DLC1: variants seen among roughly 807,000 people sequenced by gnomAD.
DLC1 encodes the protein DLC1 Rho GTPase activating protein, also known as rho GTPase-activating protein 7.
DLC1 carries 54 observed loss-of-function variants against 140.3 expected under a neutral mutation model. The observed-to-expected ratio is 0.38, with a 90% CI of 0.31 to 0.48. The LOEUF (loss-of-function observed/expected upper bound fraction) is 0.48, where lower values mean the gene tolerates loss of function less well. Ranked by LOEUF, DLC1 falls within the 20% of genes least tolerant of loss-of-function variation. The probability of loss-of-function intolerance (pLI) is 0.96; values close to 1 mark genes in which losing one functional copy is unlikely to be tolerated. For missense variants in DLC1, 2,536 were observed against 1,907.0 expected (o/e 1.33, Z -6.14); for synonymous variants, 986 against 728.1 (o/e 1.35, Z -5.70).
Position 13,099,784 on chromosome 8 carries a change from G to A in DLC1, c.2553C>T (p.Leu851=). 2 of 1,614,148 alleles carry A rather than the reference G, an allele frequency of 1.2e-6. No individual in the cohort carries two copies. Among genetic ancestry groups the A allele is most frequent in the Non-Finnish European group, 8.5e-7 (1 of 1,180,040 alleles). Residue 851 remains leucine, a synonymous_variant, in exon 9 of 18, where the codon CTC becomes CTT. Transcript: ENST00000276297. The stretch of plus-strand genomic sequence containing the variant: ...GGCTGTCGCTACTGTTTTCCCTCCT[G>A]AGGCTGATGTGGCCAGGGCCGTGGA... ...GSFHGPGHIS[L]RRENSSDSPK... is the part of the protein sequence containing the mutation.
intron 5 of DLC1, among the ~76,000 whole-genome samples, chr8:13,181,192 C>T (rs1023788667): frequency 6.6e-6 from 1 of 152,202 alleles, no homozygotes; most frequent in African/African-American, 2.4e-5. Flanking sequence ...TTTGCTCTCA[C>T]TCCAAAACCT....
At chr8:13,424,258 G>A (rs1838452417) in intron 2 of DLC1, among the ~76,000 whole-genome samples, 1 of 152,062 alleles carries the variant, frequency 6.6e-6, no homozygotes, top group Admixed American at 6.5e-5. Context: ...CAGCACTTTG[G>A]GAGGCCAATC....
At chr8:13,307,515 T>A (rs1832496014) in intron 4 of DLC1, among the ~76,000 whole-genome samples, 1 of 152,250 alleles carries the variant, frequency 6.6e-6, no homozygotes, top group Non-Finnish European at 1.5e-5. Context: ...AACTATGTAT[T>A]AAATGTTAAG....
Position 13,568,187 on chromosome 8 carries a change from C to G in DLC1, c.-126+36350G>C, listed in dbSNP as rs1338594924. 11 of 447,136 alleles carry G rather than the reference C, an allele frequency of 2.5e-5. 1 individual carries two copies. Among genetic ancestry groups the G allele is most frequent in the Admixed American group, 4.0e-5 (1 of 24,772 alleles). The allele number at this position is 447,136 out of a possible 1,614,324, so 27.7% of individuals were successfully genotyped here. The stretch of plus-strand genomic sequence containing the variant: ...GGCCAGGATGTTGATGGTACAGAAG[C>G]AAAGTAGTATGGGGATGTAAGAGAA... On this transcript the variant is annotated intron_variant, in intron 1 of 1. Transcript: ENST00000631382.
At chr8:13,208,330 G>A (rs1458555319) in intron 5 of DLC1, among the ~76,000 whole-genome samples, 1 of 152,152 alleles carries the variant, frequency 6.6e-6, no homozygotes, top group Non-Finnish European at 1.5e-5. Context: ...TTTCTAGGCA[G>A]AGAAGGACTA....
intron 5 of DLC1, among the ~76,000 whole-genome samples, chr8:13,213,253 A>G (rs924341506): frequency 5.9e-5 from 9 of 152,336 alleles, no homozygotes; most frequent in Middle Eastern, 3.4e-3. Flanking sequence ...AGACGTGTAC[A>G]TATACCTGGG....
At chr8:13,238,849 G>A (rs938507511) in intron 5 of DLC1, among the ~76,000 whole-genome samples, 32 of 152,292 alleles carry the variant, frequency 2.1e-4, no homozygotes, top group African/African-American at 7.2e-4. Context: ...CAGGAGGGGC[G>A]TGGGCTTACC....
chr8:13,580,695 A>C (rs1805064542), intron 1 of DLC1, among the ~76,000 whole-genome samples: 1 of 152,260 alleles, frequency 6.6e-6, no homozygotes. Context: ...TAGGTCTTGC[A>C]TAATGGGTTT....
At position 13,086,481 on chromosome 8, in the gene DLC1, G is replaced by C. The variant is rs371554783; in HGVS notation, c.4293-18C>G. Reference sequence around the variant, plus strand: ...TCCAGGTTCTGTAGAGACAAAACCAGAGGCAGAAATGATGGAATTTCATAG... The same window carrying C: ...TCCAGGTTCTGTAGAGACAAAACCACAGGCAGAAATGATGGAATTTCATAG... On this transcript the variant is annotated intron_variant, in intron 16 of 17. Coordinates refer to ENST00000276297, the MANE Select transcript of DLC1 (RefSeq NM_182643.3). 16 of 1,603,100 alleles carry C rather than the reference G, an allele frequency of 1.0e-5. No individual in the cohort carries two copies. The highest frequency in any genetic ancestry group is 1.3e-5 in the Non-Finnish European group (15 of 1,174,954).
At position 13,506,779 on chromosome 8, in the gene DLC1, C is replaced by G. The variant is rs192658627; in HGVS notation, c.-125-6583G>C. Among the ~76,000 whole-genome samples the G allele has an allele frequency of 1.8e-3, 272 of 151,932 alleles. 1 individual carries two copies. Among genetic ancestry groups the G allele is most frequent in the African/African-American group, 6.3e-3 (261 of 41,426 alleles). On this transcript the variant is annotated intron_variant, in intron 1 of 17. Transcript: ENST00000276297. ...GGGAAATAATCTCATGTTAATTAAA[C>G]GCAACTTAACAGTTTCTAAAATGCT...
At chr8:13,221,048 A>G (rs756422812) in intron 5 of DLC1, among the ~76,000 whole-genome samples, 1 of 152,044 alleles carries the variant, frequency 6.6e-6, no homozygotes, top group Non-Finnish European at 1.5e-5. Context: ...AGGTTACTCC[A>G]GTGCACAATA....
chr8:13,243,748 G>T (rs533225501), intron 5 of DLC1, among the ~76,000 whole-genome samples: 1 of 152,094 alleles, frequency 6.6e-6, no homozygotes, highest in African/African-American at 2.4e-5. Flanking sequence ...CATCAGCTGC[G>T]AACAACATCA....
intron 4 of DLC1, among the ~76,000 whole-genome samples, chr8:13,333,762 T>C (rs1017740367): frequency 3.3e-5 from 5 of 152,202 alleles, no homozygotes; most frequent in Admixed American, 1.3e-4. Context: ...CACATTCTCC[T>C]TCTTTACCTA....
intron 2 of DLC1, among the ~76,000 whole-genome samples, chr8:13,445,672 A>C (rs1026709255): frequency 2.0e-5 from 3 of 152,214 alleles, no homozygotes; most frequent in Non-Finnish European, 4.4e-5. Flanking sequence ...ACTTTATTAT[A>C]GGGAGGCCGA....
At chr8:13,132,877 C>T (rs1822233523) in intron 5 of DLC1, 2 of 1,538,858 alleles carry the variant, frequency 1.3e-6, no homozygotes, top group African/African-American at 1.4e-5. Context: ...GACACTTTCT[C>T]GCGGCGGGTC....
intron 4 of DLC1, among the ~76,000 whole-genome samples, chr8:13,375,031 T>TG (rs889997501): frequency 6.7e-6 from 1 of 149,270 alleles, no homozygotes; most frequent in African/African-American, 2.5e-5. Context: ...CTTGTGATTT[T>TG]TTTTTTTTTT....
intron 4 of DLC1, among the ~76,000 whole-genome samples, chr8:13,344,523 A>G (rs532944127): frequency 2.6e-5 from 4 of 152,316 alleles, no homozygotes; most frequent in Admixed American, 2.6e-4. Context: ...AAATACTTTC[A>G]ATCTACAGGG....
intron 5 of DLC1, among the ~76,000 whole-genome samples, chr8:13,132,299 C>A (rs1038471895): frequency 6.6e-6 from 1 of 151,778 alleles, no homozygotes; most frequent in East Asian, 1.9e-4. Flanking sequence ...CCCCAACACT[C>A]TCCAGGTACC....
chr8:13,146,380 C>T (rs1252166219), intron 5 of DLC1, among the ~76,000 whole-genome samples: 1 of 151,566 alleles, frequency 6.6e-6, no homozygotes, highest in African/African-American at 2.4e-5. Flanking sequence ...GTACTAGTTA[C>T]CCTCTATTGT....
Sources: gnomAD v4.1 joint callset for allele counts (sites outside exome capture counted in the v4.1 genomes callset) on GRCh38, gnomAD v4.1.1 for gene constraint, MANE v1.5 for transcripts, NCBI Gene and HGNC (gene_info 2026-07-23, HGNC 2026-07-21) for gene names.